NCBP1: variants seen among roughly 807,000 people sequenced by gnomAD.
NCBP1 encodes the protein nuclear cap-binding protein subunit 1.
NCBP1 carries 16 observed loss-of-function variants against 111.7 expected under a neutral mutation model. The ratio of observed to expected loss-of-function variants is 0.14; its 90% CI spans 0.10 to 0.22. The LOEUF (loss-of-function observed/expected upper bound fraction) is 0.22, where lower values mean the gene tolerates loss of function less well. NCBP1 is among the 10% of genes least tolerant of loss of function. NCBP1 has a pLI of 1.00. For missense variants in NCBP1, 607 were observed against 957.5 expected (o/e 0.63, Z 4.83); for synonymous variants, 304 against 314.3 (o/e 0.97, Z 0.35).
intron 1 of NCBP1, among the ~76,000 whole-genome samples, chr9:97,638,806 C>A (rs919651254): frequency 6.6e-6 from 1 of 152,118 alleles, no homozygotes; most frequent in Non-Finnish European, 1.5e-5. Context: ...CAGTTGCTTC[C>A]CCTAGTTTTG....
At position 97,671,372 on chromosome 9, in the gene NCBP1, A is replaced by T. The variant is rs374209045; in HGVS notation, c.*173A>T. ...ATTACTTTTAATTGCCCTGAAAAGC[A>T]AATACTTCCTAACGGCAGTAATGTG... On this transcript the variant is annotated 3_prime_UTR_variant, in exon 23 of 23. Transcript: ENST00000375147. The T allele has an allele frequency of 1.8e-6, 1 of 544,868 alleles. No individual in the cohort carries two copies. The highest frequency in any genetic ancestry group is 3.2e-6 in the Non-Finnish European group (1 of 308,036). 33.8% of individuals were successfully genotyped at this position (544,868 alleles called of 1,614,324 possible). A position where few individuals can be genotyped will look rare whatever the true frequency, so the allele number is the denominator to read the frequency against.
chr9:97,654,998 T>G lies in NCBP1; in HGVS notation c.1235+54T>G, dbSNP rs1021410386. On this transcript the variant is annotated intron_variant, in intron 12 of 22. Coordinates refer to ENST00000375147, the MANE Select transcript of NCBP1 (RefSeq NM_002486.5). ...AGTTAGCAGCTTTTACTTCCTGTAC[T>G]TCATAAAGGAATTTGAGAAAGACAT... The G allele has an allele frequency of 3.8e-5, 50 of 1,325,636 alleles. No individual in the cohort carries two copies. The African/African-American group carries it at 7.0e-4, about 19-fold the overall frequency. The allele number at this position is 1,325,636 out of a possible 1,614,324, so 82.1% of individuals were successfully genotyped here.
intron 3 of NCBP1, 30 bp downstream of exon 3, chr9:97,641,692 G>A (rs1412808747): frequency 6.4e-7 from 1 of 1,572,804 alleles, no homozygotes; most frequent in African/African-American, 1.4e-5. Flanking sequence ...ATGAATCCAG[G>A]TGATAATGTA....
chr9:97,641,762 C>G, intron 3 of NCBP1, 100 bp downstream of exon 3: 1 of 1,171,230 alleles, frequency 8.5e-7, no homozygotes, highest in Non-Finnish European at 1.1e-6. Context: ...TCTATATGTC[C>G]TTGGCTTTAC....
At position 97,669,577 on chromosome 9, in the gene NCBP1, T is replaced by A. The variant is rs143512688; in HGVS notation, c.2146-16T>A. 116 of 1,557,016 alleles carry A rather than the reference T, an allele frequency of 7.5e-5. No individual in the cohort carries two copies. The Middle Eastern group carries it at 1.0e-3, about 14-fold the overall frequency. The stretch of plus-strand genomic sequence containing the variant: ...TTCTGTCTGTAGTACTACCTTAACT[T>A]CTTCTCCCTTTCCAGCGGTTTATCA... On this transcript the variant is annotated splice_polypyrimidine_tract_variant and intron_variant, in intron 21 of 22. Coordinates refer to ENST00000375147, the MANE Select transcript of NCBP1 (RefSeq NM_002486.5).
chr9:97,666,617 A>C, intron 19 of NCBP1, 146 bp from the exon 20 acceptor site: 7 of 548,112 alleles, frequency 1.3e-5, no homozygotes, highest in African/African-American at 1.9e-5. Context: ...ACCAATTTGT[A>C]AGTATTGCTG....
intron 8 of NCBP1, among the ~76,000 whole-genome samples, chr9:97,649,909 T>G (rs1827453160): frequency 6.6e-6 from 1 of 152,162 alleles, no homozygotes; most frequent in Non-Finnish European, 1.5e-5. Context: ...TTGTTTCTGT[T>G]CTGGCCTTTT....
At chr9:97,650,832 G>T (rs1239193053) in intron 9 of NCBP1, among the ~76,000 whole-genome samples, 2 of 152,144 alleles carry the variant, frequency 1.3e-5, no homozygotes, top group Non-Finnish European at 2.9e-5. Context: ...TGTGTTTGGT[G>T]TGGATATTTA....
chr9:97,658,337 T>C lies in NCBP1; in HGVS notation c.1374-303T>C, dbSNP rs1827731513. On this transcript the variant is annotated intron_variant, in intron 14 of 22. Transcript: ENST00000375147. ...CTCAATATTTATTTATTTGATAGAA[T>C]ATAGCCAGTTTCCAAAGCGTGCAGT... 1.3e-5 allele frequency among the ~76,000 whole-genome samples: 2 copies of C among 152,202 alleles called. 1 individual carries two copies. Among genetic ancestry groups the C allele is most frequent in the East Asian group, 3.8e-4 (2 of 5,198 alleles).
In NCBP1 at chr9:97,645,109, C is replaced by A; in HGVS notation, c.382-8C>A. ...AGGTTTAATAGCAGAAATTGTTTGCCCCAACAGGTCCGTTTTTTATCTGAT... is the reference window on the plus strand; with the variant it reads ...AGGTTTAATAGCAGAAATTGTTTGCACCAACAGGTCCGTTTTTTATCTGAT... On this transcript the variant is annotated splice_polypyrimidine_tract_variant and splice_region_variant and intron_variant, in intron 4 of 22. Coordinates refer to ENST00000375147, the MANE Select transcript of NCBP1 (RefSeq NM_002486.5). 6.2e-7 allele frequency: 1 copy of A among 1,605,822 alleles called. No individual in the cohort carries two copies. Among genetic ancestry groups the A allele is most frequent in the South Asian group, 1.1e-5 (1 of 90,838 alleles).
chr9:97,643,067 T>A, intron 3 of NCBP1, 137 bp from the exon 4 acceptor site: 6 of 792,928 alleles, frequency 7.6e-6, no homozygotes, highest in Non-Finnish European at 1.1e-5. Context: ...ACATGCTTTT[T>A]CTGAAGTATT....
rs992696523 is a variant in NCBP1 at position 97,668,695 on chromosome 9, T to C, written c.2017-151T>C. Reference sequence around the variant, plus strand: ...TGAACCACAACAGGACTTTGAGGTATATATGTGTGGGTGGCGGGGTGGGGG... The same window carrying C: ...TGAACCACAACAGGACTTTGAGGTACATATGTGTGGGTGGCGGGGTGGGGG... On this transcript the variant is annotated intron_variant, in intron 20 of 22. Transcript: ENST00000375147. 9.5e-6 allele frequency: 7 copies of C among 739,068 alleles called. No individual in the cohort carries two copies. In the Admixed American group the frequency reaches 2.1e-4, roughly 22 times the overall value. 45.8% of individuals were successfully genotyped at this position (739,068 alleles called of 1,614,324 possible).
chr9:97,670,543 C>A (rs552206642), intron 22 of NCBP1, among the ~76,000 whole-genome samples: 8 of 152,180 alleles, frequency 5.3e-5, no homozygotes, highest in Non-Finnish European at 1.0e-4. Context: ...ACTCTAAGTT[C>A]AATTCTTTGA....
Position 97,671,108 on chromosome 9 carries a change from A to G in NCBP1, c.2282A>G (p.Tyr761Cys), listed in dbSNP as rs775998628. ...FLQHHQIIQQ[Y>C]MVTLENLLFT... ...CAGCATCACCAAATAATCCAGCAGT[A>G]CATGGTGACCCTGGAGAACCTTCTC... The change falls in exon 23 of 23, where the codon TAC becomes TGC. Residue 761 changes from tyrosine (Y) to cysteine (C), a missense_variant. Transcript: ENST00000375147. The G allele has an allele frequency of 6.2e-7, 1 of 1,612,186 alleles. No homozygotes were observed. The highest frequency in any genetic ancestry group is 1.1e-5 in the South Asian group (1 of 91,026).
At chr9:97,640,721 C>T in intron 1 of NCBP1, 73 bp from the exon 2 acceptor site, 1 of 1,191,198 alleles carries the variant, frequency 8.4e-7, no homozygotes, top group East Asian at 2.4e-5. Context: ...GAGATTATAA[C>T]CTAAAAAGGT....
intron 8 of NCBP1, among the ~76,000 whole-genome samples, chr9:97,649,453 A>AT (rs1488869693): frequency 1.3e-5 from 2 of 152,248 alleles, no homozygotes; most frequent in East Asian, 3.9e-4. Context: ...TGCCATAAAA[A>AT]TTAATATTAC....
At chr9:97,637,464 T>A (rs747657239) in intron 1 of NCBP1, among the ~76,000 whole-genome samples, 13 of 152,228 alleles carry the variant, frequency 8.5e-5, no homozygotes, top group Non-Finnish European at 1.8e-4. Context: ...ATTTGGGCAA[T>A]TTACAAAAAT....
chr9:97,650,495 C>G lies in NCBP1; in HGVS notation c.898-8C>G, dbSNP rs200036406. On this transcript the variant is annotated splice_region_variant and splice_polypyrimidine_tract_variant and intron_variant, in intron 8 of 22. Transcript: ENST00000375147. The stretch of plus-strand genomic sequence containing the variant: ...GCCTGTAGTGTACACATTTGGTTTT[C>G]TTTCCAGGGTCCTGTCATGCCAGGG... The G allele has an allele frequency of 4.7e-5, 76 of 1,610,332 alleles. No homozygotes were observed. In the African/African-American group the frequency reaches 9.4e-4, roughly 20 times the overall value.
chr9:97,661,357 T>C (rs953444222), intron 16 of NCBP1, among the ~76,000 whole-genome samples: 1 of 152,216 alleles, frequency 6.6e-6, no homozygotes, highest in Non-Finnish European at 1.5e-5. Context: ...AGTTCCTGAA[T>C]AGAAAGACTT....
Sources: gnomAD v4.1 joint callset for allele counts (sites outside exome capture counted in the v4.1 genomes callset) on GRCh38, gnomAD v4.1.1 for gene constraint, MANE v1.5 for transcripts, NCBI Gene and HGNC (gene_info 2026-07-23, HGNC 2026-07-21) for gene names.